Variants in ZNF559 observed in about 807,000 individuals in gnomAD.
ZNF559 encodes zinc finger protein 559, also known as putative protein product of Nbla00121.
A neutral mutation model predicts 14.2 loss-of-function variants in ZNF559; 17 were observed. That is an observed-to-expected ratio of 1.20 (90% CI 0.82 to 1.80). The LOEUF (loss-of-function observed/expected upper bound fraction) is 1.80, where lower values mean the gene tolerates loss of function less well. ZNF559 is among the 40% of genes most tolerant of loss of function. The pLI is 0.00. For missense variants in ZNF559, 740 were observed against 629.7 expected (o/e 1.18, Z -1.88); for synonymous variants, 244 against 212.4 (o/e 1.15, Z -1.29).
upstream of ZNF559, chr19:9,324,129 C>T (rs2066429309): frequency 6.5e-7 from 1 of 1,532,514 alleles, no homozygotes; most frequent in Non-Finnish European, 8.7e-7. Context: ...AGGCCCCGCC[C>T]CCTAGGTGGT....
At position 9,326,809 on chromosome 19, in the gene ZNF559, G is replaced by T. The variant is rs1024741788; in HGVS notation, c.-120+2029G>T. Among the ~76,000 whole-genome samples the T allele has an allele frequency of 2.0e-5, 3 of 152,100 alleles. No homozygotes were observed. The East Asian group carries it at 5.8e-4, about 29-fold the overall frequency. Reference sequence around the variant, plus strand: ...TTACACTTACAGCTAATTTTCATTGGAAATTCTTGATCTGTATTTAGAGTT... The same window carrying T: ...TTACACTTACAGCTAATTTTCATTGTAAATTCTTGATCTGTATTTAGAGTT... On this transcript the variant is annotated intron_variant, in intron 2 of 6. Coordinates refer to ENST00000603380, the MANE Select transcript of ZNF559 (RefSeq NM_032497.3).
intron 2 of ZNF559, among the ~76,000 whole-genome samples, chr19:9,329,499 CTT>C (rs1349566903): frequency 2.0e-5 from 3 of 151,966 alleles, no homozygotes; most frequent in African/African-American, 4.8e-5. Context: ...ATCTTTGTCT[CTT>C]GTCACAATTT....
chr19:9,341,229 A>G (rs140820267), intron 6 of ZNF559, 45 bp downstream of exon 6: 1 of 1,567,004 alleles, frequency 6.4e-7, no homozygotes, highest in African/African-American at 1.3e-5. Context: ...TGTTAGAGGA[A>G]GATTGGAAAT....
chr19:9,330,524 C>T (rs1282222363), intron 2 of ZNF559, among the ~76,000 whole-genome samples: 2 of 151,738 alleles, frequency 1.3e-5, no homozygotes, highest in Non-Finnish European at 2.9e-5. Context: ...TTTTGTTCCT[C>T]TGACTGACTA....
intron 1 of ZNF559, 24 bp downstream of exon 1, chr19:9,324,252 G>C (rs544447479): frequency 2.6e-6 from 4 of 1,536,096 alleles, no homozygotes; most frequent in East Asian, 2.4e-5. Context: ...TCTGGGCGGC[G>C]TTCGGTGGTG....
upstream of ZNF559, chr19:9,323,948 T>C: frequency 8.7e-6 from 5 of 574,846 alleles, no homozygotes; most frequent in South Asian, 1.1e-4. Flanking sequence ...CATTCTTTCT[T>C]TGCTTTGCTG....
At chr19:9,339,155 C>T (rs767884843) in intron 4 of ZNF559, 38 bp from the exon 5 acceptor site, 32 of 1,611,296 alleles carry the variant, frequency 2.0e-5, no homozygotes, top group Admixed American at 1.2e-4. Context: ...TAGTGGAGAA[C>T]GTACTTGCCT....
intron 1 of ZNF559, 142 bp downstream of exon 1, chr19:9,324,370 CA>C: frequency 6.7e-7 from 1 of 1,495,234 alleles, no homozygotes; most frequent in Non-Finnish European, 8.9e-7. Flanking sequence ...TGGGCTCTCC[CA>C]AGTCGCGGCC....
At chr19:9,335,913 G>A (rs866733199) in intron 2 of ZNF559, among the ~76,000 whole-genome samples, 1 of 152,190 alleles carries the variant, frequency 6.6e-6, no homozygotes. Flanking sequence ...TAAAGGATTC[G>A]TGAATCAGGC....
chr19:9,341,684 T>G lies in ZNF559; in HGVS notation c.244-11T>G. ...AAACTTCTATGAACCATCATTAATT[T>G]TCACCAACAGGAGAGAAACCATTTT... On this transcript the variant is annotated splice_polypyrimidine_tract_variant and intron_variant, in intron 6 of 6. Transcript: ENST00000603380. The G allele has an allele frequency of 6.3e-7, 1 of 1,599,052 alleles. No individual in the cohort carries two copies.
chr19:9,342,701 C>T lies in ZNF559; in HGVS notation c.1250C>T (p.Ala417Val). ...TATGACTGTCAACAGTGTGGGAAAG[C>T]CTTCATTCGATCCTCATTTCTTATT... ...KPYDCQQCGK[A>V]FIRSSFLIRH... The change falls in exon 7 of 7, where the codon GCC (alanine) becomes GTC (valine). Residue 417 changes from alanine (A) to valine (V), a missense_variant. Transcript: ENST00000603380. 6.2e-7 allele frequency: 1 copy of T among 1,614,168 alleles called. No individual in the cohort carries two copies. Among genetic ancestry groups the T allele is most frequent in the African/African-American group, 1.3e-5 (1 of 75,048 alleles).
At chr19:9,325,450 GA>G (rs1405464471) in intron 2 of ZNF559, among the ~76,000 whole-genome samples, 1 of 147,054 alleles carries the variant, frequency 6.8e-6, no homozygotes, top group South Asian at 2.1e-4. Flanking sequence ...TCAAAAAGAA[GA>G]AAAAAAAACA....
chr19:9,324,438 G>A (rs897618118), intron 1 of ZNF559: 1 of 1,438,380 alleles, frequency 7.0e-7, no homozygotes, highest in African/African-American at 1.4e-5. Context: ...GCTGCGCTGG[G>A]GCCTCGGCCC....
In ZNF559 at chr19:9,337,786, T is replaced by G. The variant is rs2067321810; in HGVS notation, c.-119-10T>G. 2 of 1,431,476 alleles carry G rather than the reference T, an allele frequency of 1.4e-6. No homozygotes were observed. Among genetic ancestry groups the G allele is most frequent in the Non-Finnish European group, 1.8e-6 (2 of 1,095,766 alleles). The allele number at this position is 1,431,476 out of a possible 1,614,324, so 88.7% of individuals were successfully genotyped here. A position where few individuals can be genotyped will look rare whatever the true frequency, so the allele number is the denominator to read the frequency against. ...AGTGGCACTCACATGAACAACTTCA[T>G]CTTCTGCAGAGAGATGGCTAATGAA... On this transcript the variant is annotated splice_polypyrimidine_tract_variant and intron_variant, in intron 2 of 6. Coordinates refer to ENST00000603380, the MANE Select transcript of ZNF559 (RefSeq NM_032497.3).
At position 9,324,688 on chromosome 19, in the gene ZNF559, C is replaced by G. The variant is rs1386189198; in HGVS notation, c.-205-7C>G. The G allele has an allele frequency of 6.6e-7, 1 of 1,518,284 alleles. No homozygotes were observed. The highest frequency in any genetic ancestry group is 1.7e-4 in the Middle Eastern group (1 of 5,874). 94.1% of individuals were successfully genotyped at this position (1,518,284 alleles called of 1,614,324 possible). ...CCACATCCAGCGTTGTGCCTTTTCT[C>G]TATAAGGAACAGCATCTCTGCCTTC... On this transcript the variant is annotated splice_region_variant and splice_polypyrimidine_tract_variant and intron_variant, in intron 1 of 6. Coordinates refer to ENST00000603380, the MANE Select transcript of ZNF559 (RefSeq NM_032497.3).
chr19:9,338,193 A>G (rs1362150185), intron 3 of ZNF559, among the ~76,000 whole-genome samples: 2 of 152,228 alleles, frequency 1.3e-5, no homozygotes, highest in Non-Finnish European at 2.9e-5. Flanking sequence ...AGGAGTAAGT[A>G]TGCAGGCTTT....
chr19:9,342,940 G>T lies in ZNF559; in HGVS notation c.1489G>T (p.Glu497Ter). 6.2e-7 allele frequency: 1 copy of T among 1,614,154 alleles called. No homozygotes were observed. The highest frequency in any genetic ancestry group is 1.1e-5 in the South Asian group (1 of 91,078). ...TGGTGAACGGCCCTTTGAATGTCAG[G>T]AATGTGGGAAAGCCTTTACTCGGTC... ...HTGERPFECQECGKAFTRSTY... is the reference protein window; with the variant it reads ...HTGERPFECQ The change falls in exon 7 of 7, where the codon GAA (glutamate) becomes TAA (stop). Residue 497 changes from glutamate to a stop codon, truncating the protein, a stop_gained. Transcript: ENST00000603380. LOFTEE classifies it low-confidence loss of function (END_TRUNC).
chr19:9,342,498 A>G lies in ZNF559; in HGVS notation c.1047A>G (p.Gly349=). The change falls in exon 7 of 7, where the codon GGA becomes GGG. Residue 349 remains glycine, a synonymous_variant. Transcript: ENST00000603380. ...GLIKHRRTHT[G]EKPYECKECG... ...TAAAACACAGGCGAACTCACACTGG[A>G]GAAAAGCCTTATGAATGTAAGGAAT... The G allele has an allele frequency of 6.2e-7, 1 of 1,614,144 alleles. No individual in the cohort carries two copies. Among genetic ancestry groups the G allele is most frequent in the Non-Finnish European group, 8.5e-7 (1 of 1,180,030 alleles).
intron 2 of ZNF559, among the ~76,000 whole-genome samples, chr19:9,331,580 A>T (rs11882041): frequency 6.6e-6 from 1 of 152,236 alleles, no homozygotes; most frequent in African/African-American, 2.4e-5. Context: ...AAAGAGACCA[A>T]TTTATCAAAA....
Sources: allele counts gnomAD v4.1 joint callset (sites outside exome capture counted in the v4.1 genomes callset), GRCh38; gene constraint gnomAD v4.1.1; transcripts MANE v1.5; gene names NCBI Gene and HGNC (gene_info 2026-07-23, HGNC 2026-07-21).